The following LRRC49 variants were observed in gnomAD, a reference collection of about 807,000 sequenced individuals.
LRRC49 encodes the protein leucine rich repeat containing 49, also known as leucine-rich repeat-containing protein 49.
A neutral mutation model predicts 83.3 loss-of-function variants in LRRC49; 50 were observed. The observed-to-expected ratio is 0.60, with a 90% CI of 0.48 to 0.76. The LOEUF is 0.76. LRRC49 is among the 30% of genes least tolerant of loss of function. LRRC49 has a pLI of 0.00. For missense variants in LRRC49, 704 were observed against 809.1 expected (o/e 0.87, Z 1.58); for synonymous variants, 286 against 283.3 (o/e 1.01, Z -0.10).
intron 7 of LRRC49, among the ~76,000 whole-genome samples, chr15:70,922,866 AC>A (rs1245093904): frequency 6.6e-6 from 1 of 151,986 alleles, no homozygotes; most frequent in Non-Finnish European, 1.5e-5. Context: ...ACTCAAAAAA[AC>A]CTGAAACATT....
At chr15:71,035,785 G>C (rs2039500244) in intron 14 of LRRC49, among the ~76,000 whole-genome samples, 1 of 152,006 alleles carries the variant, frequency 6.6e-6, no homozygotes, top group Non-Finnish European at 1.5e-5. Context: ...CTTTGTTATT[G>C]TGAATAGCCC....
At chr15:70,982,236 C>T (rs765091298) in intron 10 of LRRC49, among the ~76,000 whole-genome samples, 25 of 152,006 alleles carry the variant, frequency 1.6e-4, no homozygotes, top group African/African-American at 2.7e-4. Context: ...GTATTTCTTT[C>T]GCCTACCCCT....
chr15:70,863,642 C>T (rs1044482015), intron 1 of LRRC49, among the ~76,000 whole-genome samples: 1 of 152,178 alleles, frequency 6.6e-6, no homozygotes, highest in African/African-American at 2.4e-5. Context: ...AAGCCTGACT[C>T]ACTAACAAAG....
intron 11 of LRRC49, among the ~76,000 whole-genome samples, chr15:71,003,270 T>A (rs114607820): frequency 0.027 from 4,054 of 152,236 alleles, 193 homozygotes; most frequent in African/African-American, 0.093. Context: ...CAAGTTGAAT[T>A]GATGAAACTT....
chr15:70,993,245 G>T (rs560189139), intron 11 of LRRC49, among the ~76,000 whole-genome samples: 1 of 152,346 alleles, frequency 6.6e-6, no homozygotes, highest in East Asian at 1.9e-4. Flanking sequence ...GCTGTATTAG[G>T]GTGGGAGTGA....
At chr15:70,871,554 G>C (rs913391669) in intron 1 of LRRC49, among the ~76,000 whole-genome samples, 1 of 139,004 alleles carries the variant, frequency 7.2e-6, no homozygotes. Context: ...CCCACCTCCC[G>C]AACGGCGCGG....
At chr15:71,028,615 T>C (rs778216426) in intron 14 of LRRC49, among the ~76,000 whole-genome samples, 4 of 152,198 alleles carry the variant, frequency 2.6e-5, no homozygotes, top group African/African-American at 4.8e-5. Flanking sequence ...ACTGCCTCAA[T>C]TTCAGAAGTT....
intron 11 of LRRC49, among the ~76,000 whole-genome samples, chr15:70,984,817 C>G (rs1373682451): frequency 1.5e-5 from 2 of 136,450 alleles, no homozygotes; most frequent in Non-Finnish European, 3.1e-5. Context: ...GTGTGATGTT[C>G]CCCTTCCTGT....
At chr15:70,930,695 A>G (rs1367955613) in intron 7 of LRRC49, among the ~76,000 whole-genome samples, 8 of 152,198 alleles carry the variant, frequency 5.3e-5, no homozygotes, top group African/African-American at 1.7e-4. Context: ...TTCATCAGTT[A>G]TCTTAGCTGG....
At chr15:70,909,855 C>CACACAT (rs1555428452) in intron 5 of LRRC49, among the ~76,000 whole-genome samples, 8 of 151,432 alleles carry the variant, frequency 5.3e-5, no homozygotes, top group African/African-American at 1.9e-4. Flanking sequence ...CACACACACA[C>CACACAT]ACACACACAC....
intron 11 of LRRC49, among the ~76,000 whole-genome samples, chr15:71,004,521 G>A (rs1229509721): frequency 1.1e-4 from 16 of 152,132 alleles, no homozygotes; most frequent in Admixed American, 6.5e-4. Flanking sequence ...AAGGTGGCAT[G>A]TGCCTGTAAT....
At chr15:71,045,858 C>G (rs1407736802) in intron 15 of LRRC49, among the ~76,000 whole-genome samples, 1 of 152,140 alleles carries the variant, frequency 6.6e-6, no homozygotes, top group East Asian at 1.9e-4. Flanking sequence ...CCCTACCACC[C>G]TCTATGTTGT....
chr15:70,862,274 G>A (rs1373807857), intron 1 of LRRC49, among the ~76,000 whole-genome samples: 2 of 152,008 alleles, frequency 1.3e-5, no homozygotes, highest in African/African-American at 4.8e-5. Flanking sequence ...ATCACCTGGG[G>A]GGCTTTTAAA....
chr15:70,854,045 G>T (rs1451532428), intron 1 of LRRC49: 1 of 1,428,174 alleles, frequency 7.0e-7, no homozygotes, highest in Non-Finnish European at 9.2e-7. Flanking sequence ...GATCTGCACC[G>T]CCGTCTTGGG....
chr15:70,861,838 T>G (rs2032797844), intron 1 of LRRC49, among the ~76,000 whole-genome samples: 1 of 151,938 alleles, frequency 6.6e-6, no homozygotes, highest in South Asian at 2.1e-4. Flanking sequence ...GGCAGAAGAA[T>G]TGCTTGAACC....
intron 7 of LRRC49, among the ~76,000 whole-genome samples, chr15:70,932,133 G>A (rs905219468): frequency 2.6e-5 from 4 of 152,112 alleles, no homozygotes; most frequent in African/African-American, 9.7e-5. Flanking sequence ...TCAGACTGGT[G>A]AATTGACTGA....
rs148533275 is a variant in LRRC49 at position 71,026,503 on chromosome 15, C to T, written c.1704-10676C>T. Among the ~76,000 whole-genome samples, 35 of 152,280 alleles carry T rather than the reference C, an allele frequency of 2.3e-4. 1 individual carries two copies. In the East Asian group the frequency reaches 5.2e-3, roughly 23 times the overall value. ...TGAGGAATCACCACACAGTCTTCCA[C>T]GATGGTTGAACTAATTTACACTCCC... On this transcript the variant is annotated intron_variant, in intron 14 of 15. Transcript: ENST00000260382.
chr15:70,974,519 A>T (rs1834406663), intron 9 of LRRC49, among the ~76,000 whole-genome samples: 1 of 152,184 alleles, frequency 6.6e-6, no homozygotes, highest in Non-Finnish European at 1.5e-5. Flanking sequence ...AATATTTGTT[A>T]TTCTGGTAAA....
chr15:70,903,877 A>G (rs1243095319), intron 4 of LRRC49, among the ~76,000 whole-genome samples: 1 of 152,168 alleles, frequency 6.6e-6, no homozygotes, highest in Non-Finnish European at 1.5e-5. Context: ...CTCAAAGCAT[A>G]TATTTTTAAG....
Sources: allele counts gnomAD v4.1 joint callset (sites outside exome capture counted in the v4.1 genomes callset), GRCh38; gene constraint gnomAD v4.1.1; transcripts MANE v1.5; gene names NCBI Gene and HGNC (gene_info 2026-07-23, HGNC 2026-07-21).